MYLK: variants seen among roughly 807,000 people sequenced by gnomAD.
MYLK encodes the protein myosin light chain kinase, smooth muscle.
Under a neutral mutation model 203.4 loss-of-function variants are expected in MYLK, and 106 were observed. The ratio of observed to expected loss-of-function variants is 0.52; its 90% confidence interval spans 0.45 to 0.61. MYLK has a LOEUF of 0.61. MYLK is among the 20% of genes least tolerant of loss of function. The pLI, the probability that MYLK is intolerant of heterozygous loss-of-function variation, is 0.00. For missense variants in MYLK, 2,072 were observed against 2,442.3 expected (o/e 0.85, Z 3.20); for synonymous variants, 867 against 959.5 (o/e 0.90, Z 1.78).
rs961360871 is a variant in MYLK at position 123,739,812 on chromosome 3, T to C, written c.422+141A>G. ...GCCAGGTCAGGAGGTGCTGTGTAAA[T>C]GACACATCTCATTGTACTAGGCTCC... On this transcript the variant is annotated intron_variant, in intron 6 of 33. Coordinates refer to ENST00000360304, the MANE Select transcript of MYLK (RefSeq NM_053025.4). The C allele has an allele frequency of 1.9e-5, 17 of 914,546 alleles. 1 individual carries two copies. The highest frequency in any genetic ancestry group is 1.5e-4 in the African/African-American group (9 of 61,050). The allele number at this position is 914,546 out of a possible 1,614,324, so 56.7% of individuals were successfully genotyped here. A position where few individuals can be genotyped will look rare whatever the true frequency, so the allele number is the denominator to read the frequency against.
intron 11 of MYLK, among the ~76,000 whole-genome samples, chr3:123,726,678 G>A (rs1016857052): frequency 1.3e-5 from 2 of 152,194 alleles, no homozygotes; most frequent in African/African-American, 4.8e-5. Flanking sequence ...CCGGGGACCT[G>A]GGAATATGCA....
chr3:123,811,542 GT>G (rs1308150035), intron 3 of MYLK, among the ~76,000 whole-genome samples: 4 of 152,194 alleles, frequency 2.6e-5, no homozygotes, highest in Non-Finnish European at 4.4e-5. Flanking sequence ...CTTCATGCTT[GT>G]CTACTCCTGA....
chr3:123,688,698 C>G (rs2060553191), intron 19 of MYLK, among the ~76,000 whole-genome samples: 1 of 152,158 alleles, frequency 6.6e-6, no homozygotes, highest in South Asian at 2.1e-4. Context: ...ATGGCTCCAC[C>G]ACCCTGGCCT....
intron 24 of MYLK, among the ~76,000 whole-genome samples, chr3:123,656,648 T>G (rs1008000452): frequency 2.6e-5 from 4 of 152,178 alleles, no homozygotes; most frequent in Non-Finnish European, 4.4e-5. Context: ...TTTTGTTATG[T>G]CCCCTTGGTT....
chr3:123,855,570 T>C (rs1343467512), intron 2 of MYLK, among the ~76,000 whole-genome samples: 2 of 152,002 alleles, frequency 1.3e-5, no homozygotes, highest in Non-Finnish European at 2.9e-5. Flanking sequence ...GCCCAGGAGT[T>C]GGAGGCTACA....
chr3:123,767,593 T>C (rs1455518378), intron 4 of MYLK, among the ~76,000 whole-genome samples: 1 of 152,152 alleles, frequency 6.6e-6, no homozygotes, highest in Non-Finnish European at 1.5e-5. Flanking sequence ...GGTGACAGGG[T>C]GAGACTCTGT....
intron 2 of MYLK, among the ~76,000 whole-genome samples, chr3:123,861,336 C>A (rs1346621786): frequency 6.6e-6 from 1 of 152,234 alleles, no homozygotes; most frequent in Non-Finnish European, 1.5e-5. Flanking sequence ...CAGCAATGCG[C>A]CTGTAGAAGC....
intron 3 of MYLK, among the ~76,000 whole-genome samples, chr3:123,811,906 T>C (rs1299536179): frequency 6.6e-6 from 1 of 151,182 alleles, no homozygotes; most frequent in Admixed American, 6.6e-5. Context: ...AACATATCTA[T>C]TAAATTAACA....
chr3:123,752,182 T>C, intron 5 of MYLK, 149 bp downstream of exon 5: 1 of 819,064 alleles, frequency 1.2e-6, no homozygotes. Flanking sequence ...ATCTCTCCCA[T>C]TAGATTGGAA....
intron 33 of MYLK, among the ~76,000 whole-genome samples, chr3:123,615,543 A>G (rs1286647766): frequency 6.6e-6 from 1 of 152,062 alleles, no homozygotes; most frequent in African/African-American, 2.4e-5. Context: ...CATGTTGACC[A>G]GGCTGGTCTG....
intron 16 of MYLK, 22 bp downstream of exon 16, chr3:123,707,732 C>A: frequency 6.2e-7 from 1 of 1,614,034 alleles, no homozygotes; most frequent in Admixed American, 1.7e-5. Context: ...TTAAGGGAGG[C>A]TGGCTGGACA....
chr3:123,686,269 G>A (rs1273481454), intron 19 of MYLK, among the ~76,000 whole-genome samples: 4 of 152,142 alleles, frequency 2.6e-5, no homozygotes, highest in African/African-American at 4.8e-5. Flanking sequence ...GGAGGTGTGA[G>A]GAAGTGGGGG....
intron 13 of MYLK, among the ~76,000 whole-genome samples, chr3:123,713,067 G>A (rs1576691881): frequency 6.6e-6 from 1 of 152,194 alleles, no homozygotes; most frequent in South Asian, 2.1e-4. Flanking sequence ...GTAAATTGAG[G>A]ACAAGCTTTC....
At chr3:123,751,587 T>C (rs1203907895) in intron 5 of MYLK, among the ~76,000 whole-genome samples, 1 of 152,218 alleles carries the variant, frequency 6.6e-6, no homozygotes, top group Non-Finnish European at 1.5e-5. Context: ...ACATTGTTCA[T>C]TCATTCCTCA....
At chr3:123,678,808 G>A (rs1303655238) in intron 20 of MYLK, among the ~76,000 whole-genome samples, 2 of 152,152 alleles carry the variant, frequency 1.3e-5, no homozygotes, top group Non-Finnish European at 2.9e-5. Flanking sequence ...ACTTGTGCCT[G>A]TATATAAAAA....
chr3:123,708,590 C>T, intron 15 of MYLK, 108 bp downstream of exon 15: 1 of 1,274,522 alleles, frequency 7.8e-7, no homozygotes, highest in Non-Finnish European at 1.1e-6. Flanking sequence ...ACGAGAGGGC[C>T]CTCAGTGGGA....
chr3:123,715,813 TA>T (rs968469513), intron 13 of MYLK: 1 of 152,200 alleles, frequency 6.6e-6, no homozygotes, highest in Non-Finnish European at 1.5e-5. Context: ...GAAAAACAAC[TA>T]AATTCTGAAT....
intron 16 of MYLK, among the ~76,000 whole-genome samples, chr3:123,702,699 G>A (rs939989137): frequency 7.9e-5 from 12 of 152,304 alleles, no homozygotes; most frequent in African/African-American, 2.9e-4. Context: ...GCTTATAAAG[G>A]TAAAGTAGTC....
chr3:123,737,815 C>T (rs942182010), intron 7 of MYLK, among the ~76,000 whole-genome samples: 1 of 152,312 alleles, frequency 6.6e-6, no homozygotes. Context: ...TAGGAAATCC[C>T]ATATTCCTCA....
Sources: allele counts gnomAD v4.1 joint callset (sites outside exome capture counted in the v4.1 genomes callset), GRCh38; gene constraint gnomAD v4.1.1; transcripts MANE v1.5; gene names NCBI Gene and HGNC (gene_info 2026-07-23, HGNC 2026-07-21).